EYA1: variants seen among roughly 807,000 people sequenced by gnomAD.
The protein encoded by EYA1 is EYA transcriptional coactivator and phosphatase 1, also known as protein phosphatase EYA1.
A neutral mutation model predicts 82.0 loss-of-function variants in EYA1; 16 were observed. The ratio of observed to expected loss-of-function variants is 0.20; its 90% confidence interval spans 0.13 to 0.30. EYA1 has a LOEUF of 0.30. Ranked by LOEUF, EYA1 falls within the 10% of genes least tolerant of loss-of-function variation. EYA1 has a pLI of 1.00. For synonymous variants in EYA1, 261 were observed against 264.4 expected (o/e 0.99, Z 0.12); for missense variants, 633 against 730.7 (o/e 0.87, Z 1.54).
chr8:71,199,506 C>A, intron 17 of EYA1, 86 bp from the exon 18 acceptor site: 1 of 803,236 alleles, frequency 1.2e-6, no homozygotes, highest in Non-Finnish European at 2.1e-6. Flanking sequence ...CCCATGCTGA[C>A]CCCCATTTTC....
chr8:71,456,779 A>T (rs1807958510), intron 2 of EYA1, among the ~76,000 whole-genome samples: 1 of 152,234 alleles, frequency 6.6e-6, no homozygotes, highest in Non-Finnish European at 1.5e-5. Context: ...TTAAAGACTT[A>T]AAGGTTTGAC....
intron 2 of EYA1, among the ~76,000 whole-genome samples, chr8:71,388,528 A>C (rs982058097): frequency 1.4e-4 from 22 of 152,216 alleles, no homozygotes; most frequent in African/African-American, 5.3e-4. Context: ...AGAAAGGAAG[A>C]GATCCGAGGA....
At chr8:71,259,657 G>C (rs1257992284) in intron 11 of EYA1, among the ~76,000 whole-genome samples, 1 of 152,104 alleles carries the variant, frequency 6.6e-6, no homozygotes, top group Admixed American at 6.5e-5. Context: ...TGATCTTCTT[G>C]ACCCGTTTTT....
At chr8:71,309,300 C>A (rs971892894) in intron 7 of EYA1, among the ~76,000 whole-genome samples, 7 of 151,660 alleles carry the variant, frequency 4.6e-5, no homozygotes, top group African/African-American at 7.3e-5. Flanking sequence ...GTTTTTAACA[C>A]CTGAAATATA....
At chr8:71,374,422 A>G (rs1485667671) in intron 2 of EYA1, among the ~76,000 whole-genome samples, 1 of 152,174 alleles carries the variant, frequency 6.6e-6, no homozygotes, top group African/African-American at 2.4e-5. Context: ...GCAAATCAAA[A>G]CCACCATGAG....
intron 3 of EYA1, among the ~76,000 whole-genome samples, chr8:71,352,544 G>T (rs969820165): frequency 2.4e-4 from 36 of 152,270 alleles, no homozygotes; most frequent in African/African-American, 7.7e-4. Context: ...CATTAATGAA[G>T]ATTGCCTGAA....
chr8:71,345,365 C>T (rs1825584068), intron 3 of EYA1, among the ~76,000 whole-genome samples: 1 of 152,152 alleles, frequency 6.6e-6, no homozygotes, highest in Admixed American at 6.5e-5. Flanking sequence ...ACACTACAGG[C>T]ATGTAGTATT....
intron 11 of EYA1, among the ~76,000 whole-genome samples, chr8:71,268,398 A>C (rs1413003820): frequency 6.6e-6 from 1 of 152,246 alleles, no homozygotes; most frequent in Admixed American, 6.5e-5. Flanking sequence ...TTCAGATATT[A>C]GTCTTTAGTT....
chr8:71,243,636 C>A (rs993326029), intron 12 of EYA1, among the ~76,000 whole-genome samples: 1 of 152,152 alleles, frequency 6.6e-6, no homozygotes, highest in Admixed American at 6.5e-5. Flanking sequence ...AGATGTTGAA[C>A]AAACCGCATT....
chr8:71,417,060 G>A (rs953216762), intron 2 of EYA1, among the ~76,000 whole-genome samples: 15 of 152,118 alleles, frequency 9.9e-5, no homozygotes, highest in Non-Finnish European at 1.9e-4. Context: ...TAGCTTCCAA[G>A]CCTACATCTT....
intron 2 of EYA1, among the ~76,000 whole-genome samples, chr8:71,518,978 G>A (rs1813190375): frequency 6.6e-6 from 1 of 152,094 alleles, no homozygotes; most frequent in South Asian, 2.1e-4. Context: ...TGCACTACAA[G>A]TCACAAGAAA....
At chr8:71,224,854 T>C (rs1335186032) in intron 12 of EYA1, among the ~76,000 whole-genome samples, 1 of 152,218 alleles carries the variant, frequency 6.6e-6, no homozygotes, top group Non-Finnish European at 1.5e-5. Context: ...ACTCTCCAGA[T>C]ATTTTCATAA....
intron 2 of EYA1, among the ~76,000 whole-genome samples, chr8:71,392,093 T>A (rs935354182): frequency 3.2e-4 from 49 of 152,150 alleles, no homozygotes; most frequent in African/African-American, 1.2e-3. Context: ...CCCTCCATAC[T>A]TTTCAAACCA....
intron 9 of EYA1, among the ~76,000 whole-genome samples, chr8:71,284,548 A>T (rs1022876896): frequency 1.1e-4 from 16 of 152,220 alleles, no homozygotes; most frequent in African/African-American, 3.6e-4. Flanking sequence ...CATTGTCAAG[A>T]TTGCATCAAA....
intron 9 of EYA1, among the ~76,000 whole-genome samples, chr8:71,296,769 T>C (rs1324714597): frequency 6.6e-6 from 1 of 152,140 alleles, no homozygotes; most frequent in Non-Finnish European, 1.5e-5. Context: ...TCTTCTGTTT[T>C]ATGTACTTTA....
intron 2 of EYA1, among the ~76,000 whole-genome samples, chr8:71,408,023 C>T (rs1793877499): frequency 6.6e-6 from 1 of 151,716 alleles, no homozygotes; most frequent in African/African-American, 2.4e-5. Context: ...CAGCGGATCT[C>T]TCGGCAGAAA....
intron 2 of EYA1, among the ~76,000 whole-genome samples, chr8:71,412,150 A>C (rs1172349691): frequency 7.6e-6 from 1 of 131,808 alleles, no homozygotes; most frequent in African/African-American, 2.8e-5. Flanking sequence ...AACACCGCAT[A>C]TTCTCACTCA....
chr8:71,533,834 T>G (rs1021750487), intron 2 of EYA1, among the ~76,000 whole-genome samples: 1 of 152,172 alleles, frequency 6.6e-6, no homozygotes, highest in Non-Finnish European at 1.5e-5. Context: ...TGTTTGCCTA[T>G]GAGAAATACC....
chr8:71,269,821 T>C lies in EYA1; in HGVS notation c.969A>G (p.Arg323=). 1 of 1,613,096 alleles carries C rather than the reference T, an allele frequency of 6.2e-7. No homozygotes were observed. The highest frequency in any genetic ancestry group is 8.5e-7 in the Non-Finnish European group (1 of 1,179,152). Reference sequence around the variant, plus strand: ...TCTCATCCAAGTCCCAGATGAACACTCTCTACAAAGGAAGAACCAAATCAA... The same window carrying C: ...TCTCATCCAAGTCCCAGATGAACACCCTCTACAAAGGAAGAACCAAATCAA... The part of the protein sequence containing the change: ...PSPPPDSDLE[R]VFIWDLDETI... The change falls in exon 11 of 18, where the codon AGA becomes AGG. Residue 323 remains arginine, a splice_region_variant and synonymous_variant. Transcript: ENST00000340726.
Sources: gnomAD v4.1 joint callset for allele counts (sites outside exome capture counted in the v4.1 genomes callset) on GRCh38, gnomAD v4.1.1 for gene constraint, MANE v1.5 for transcripts, NCBI Gene and HGNC (gene_info 2026-07-23, HGNC 2026-07-21) for gene names.